Variants in NOS1AP observed in about 807,000 individuals in gnomAD.
NOS1AP encodes the protein nitric oxide synthase 1 adaptor protein, also known as carboxyl-terminal PDZ ligand of neuronal nitric oxide synthase protein.
Under a neutral mutation model 56.2 loss-of-function variants are expected in NOS1AP, and 21 were observed. The observed-to-expected ratio is 0.37, with a 90% CI of 0.26 to 0.54. NOS1AP has a LOEUF of 0.54. NOS1AP is among the 20% of genes least tolerant of loss of function. The probability of loss-of-function intolerance (pLI) is 0.84; values close to 1 mark genes in which losing one functional copy is unlikely to be tolerated. For synonymous variants in NOS1AP, 270 were observed against 274.6 expected, an observed-to-expected ratio of 0.98 and a Z score of 0.17; for missense variants, 522 against 657.8, an observed-to-expected ratio of 0.79 and a Z score of 2.26.
chr1:162,201,693 G>A (rs55937722), intron 2 of NOS1AP, among the ~76,000 whole-genome samples: 24,022 of 152,064 alleles, frequency 0.16, 2,103 homozygotes, highest in South Asian at 0.23. Context: ...GCATTTCTCC[G>A]GTCAGTGATA....
At chr1:162,365,085 T>TGCAA in intron 8 of NOS1AP, 1 of 1,319,600 alleles carries the variant, frequency 7.6e-7, no homozygotes. Context: ...TGTGCACGTG[T>TGCAA]GTGTGTACGT....
intron 2 of NOS1AP, among the ~76,000 whole-genome samples, chr1:162,194,678 C>T (rs1651748763): frequency 6.6e-6 from 1 of 152,174 alleles, no homozygotes; most frequent in Non-Finnish European, 1.5e-5. Flanking sequence ...TGCCAGTGTT[C>T]TCTTTACCTT....
chr1:162,163,720 CAAG>C (rs1650341458), intron 2 of NOS1AP, among the ~76,000 whole-genome samples: 1 of 152,056 alleles, frequency 6.6e-6, no homozygotes, highest in Non-Finnish European at 1.5e-5. Context: ...CAAGAAATGG[CAAG>C]AAGGCTAGTG....
At chr1:162,362,325 C>T (rs1476464907) in intron 8 of NOS1AP, among the ~76,000 whole-genome samples, 7 of 152,122 alleles carry the variant, frequency 4.6e-5, no homozygotes, top group African/African-American at 1.2e-4. Context: ...GTGGCGGGCG[C>T]CAGTAATTCC....
chr1:162,115,032 G>A (rs544563730), intron 1 of NOS1AP, among the ~76,000 whole-genome samples: 1 of 152,290 alleles, frequency 6.6e-6, no homozygotes, highest in South Asian at 2.1e-4. Flanking sequence ...AGCTCCTCAT[G>A]GAAGAAGGAG....
At chr1:162,073,492 C>T (rs1376118215) in intron 1 of NOS1AP, among the ~76,000 whole-genome samples, 3 of 152,080 alleles carry the variant, frequency 2.0e-5, no homozygotes, top group African/African-American at 7.2e-5. Flanking sequence ...TGGAGTTTTG[C>T]TCTTGTTGCC....
intron 3 of NOS1AP, among the ~76,000 whole-genome samples, chr1:162,290,197 T>C (rs570210602): frequency 6.6e-6 from 1 of 152,358 alleles, no homozygotes; most frequent in African/African-American, 2.4e-5. Flanking sequence ...CTAGCAGGTC[T>C]TTCCTAGATC....
intron 2 of NOS1AP, among the ~76,000 whole-genome samples, chr1:162,209,431 A>G (rs1000271319): frequency 3.3e-5 from 5 of 152,136 alleles, no homozygotes; most frequent in African/African-American, 1.2e-4. Flanking sequence ...GAGAAGTGGT[A>G]TTTTAGGAGA....
chr1:162,227,582 C>T (rs1652985058), intron 2 of NOS1AP, among the ~76,000 whole-genome samples: 1 of 152,130 alleles, frequency 6.6e-6, no homozygotes, highest in South Asian at 2.1e-4. Context: ...GGTAGCTCTC[C>T]CATGGCCCAG....
chr1:162,350,652 C>CT (rs1311661834), intron 6 of NOS1AP, among the ~76,000 whole-genome samples: 1 of 152,178 alleles, frequency 6.6e-6, no homozygotes, highest in Non-Finnish European at 1.5e-5. Flanking sequence ...GAAAATAAAA[C>CT]TTTTTTTATT....
intron 2 of NOS1AP, among the ~76,000 whole-genome samples, chr1:162,228,749 C>G (rs1009347094): frequency 6.6e-6 from 1 of 152,190 alleles, no homozygotes; most frequent in Non-Finnish European, 1.5e-5. Flanking sequence ...AGGAAGATAA[C>G]ATCGTTCAGA....
chr1:162,232,614 C>G (rs1339698862), intron 2 of NOS1AP, among the ~76,000 whole-genome samples: 4 of 151,792 alleles, frequency 2.6e-5, no homozygotes, highest in Non-Finnish European at 5.9e-5. Flanking sequence ...GACAGCTTGC[C>G]CATTCTGTGG....
intron 2 of NOS1AP, among the ~76,000 whole-genome samples, chr1:162,254,622 G>A (rs547883749): frequency 2.0e-5 from 3 of 152,340 alleles, no homozygotes; most frequent in South Asian, 2.1e-4. Context: ...AGTAGCTAGC[G>A]TGTCACAAGA....
chr1:162,302,023 G>A (rs574522849), intron 4 of NOS1AP, among the ~76,000 whole-genome samples: 11 of 152,268 alleles, frequency 7.2e-5, no homozygotes, highest in African/African-American at 2.6e-4. Flanking sequence ...TTGTTCTCAG[G>A]GAGTTTTAGA....
chr1:162,076,944 T>C (rs926135338), intron 1 of NOS1AP, among the ~76,000 whole-genome samples: 11 of 152,232 alleles, frequency 7.2e-5, no homozygotes, highest in African/African-American at 2.7e-4. Flanking sequence ...GGCTGGATAA[T>C]ATATCATTGT....
chr1:162,099,807 G>T (rs1408234809), intron 1 of NOS1AP, among the ~76,000 whole-genome samples: 1 of 150,974 alleles, frequency 6.6e-6, no homozygotes, highest in African/African-American at 2.4e-5. Flanking sequence ...AACAGTCTCC[G>T]ATGTGTGATG....
intron 2 of NOS1AP, among the ~76,000 whole-genome samples, chr1:162,224,131 G>C (rs1022634641): frequency 6.6e-6 from 1 of 151,456 alleles, no homozygotes; most frequent in East Asian, 1.9e-4. Context: ...CAGTCCTAAC[G>C]CTTTTCATTC....
Position 162,109,513 on chromosome 1 carries a change from A to G in NOS1AP, c.105+39231A>G, listed in dbSNP as rs140758330. Among the ~76,000 whole-genome samples the G allele has an allele frequency of 2.3e-4, 35 of 152,306 alleles. 1 individual carries two copies. Among genetic ancestry groups the G allele is most frequent in the African/African-American group, 6.7e-4 (28 of 41,566 alleles). On this transcript the variant is annotated intron_variant, in intron 1 of 9. Coordinates refer to ENST00000361897, the MANE Select transcript of NOS1AP (RefSeq NM_014697.3). ...CTGATGAGGAAGCAGGTGGGTATGG[A>G]TGAAACCAGAGTCGCCCTGTGTTGG...
At chr1:162,224,977 CAG>C (rs547079831) in intron 2 of NOS1AP, among the ~76,000 whole-genome samples, 19 of 152,304 alleles carry the variant, frequency 1.2e-4, no homozygotes, top group African/African-American at 4.3e-4. Flanking sequence ...AGAAGCATCT[CAG>C]TAAAAATAAG....
Sources: gnomAD v4.1 joint callset for allele counts (sites outside exome capture counted in the v4.1 genomes callset) on GRCh38, gnomAD v4.1.1 for gene constraint, MANE v1.5 for transcripts, NCBI Gene and HGNC (gene_info 2026-07-23, HGNC 2026-07-21) for gene names.